The following RSPO2 variants were observed in gnomAD, a reference collection of about 807,000 sequenced individuals.
The protein encoded by RSPO2 is R-spondin-2.
Under a neutral mutation model 30.9 loss-of-function variants are expected in RSPO2, and 14 were observed. That is an observed-to-expected ratio of 0.45 (90% confidence interval 0.30 to 0.71). The LOEUF (loss-of-function observed/expected upper bound fraction) is 0.71, where lower values mean the gene tolerates loss of function less well. Ranked by LOEUF, RSPO2 falls within the 30% of genes least tolerant of loss-of-function variation. RSPO2 has a pLI of 0.08. For synonymous variants in RSPO2, 107 were observed against 96.4 expected (o/e 1.11, Z -0.64); for missense variants, 264 against 301.9 (o/e 0.87, Z 0.93).
At chr8:107,930,822 C>T (rs1376195414) in intron 5 of RSPO2, among the ~76,000 whole-genome samples, 1 of 152,126 alleles carries the variant, frequency 6.6e-6, no homozygotes, top group African/African-American at 2.4e-5. Flanking sequence ...GAGGTTTGCC[C>T]GATTACCAGA....
intron 2 of RSPO2, among the ~76,000 whole-genome samples, chr8:108,032,855 C>G (rs1053652713): frequency 2.0e-5 from 3 of 151,602 alleles, no homozygotes; most frequent in African/African-American, 7.3e-5. Flanking sequence ...GTCAGGAGAT[C>G]GAGACCATCC....
At chr8:108,003,493 T>C (rs1384883391) in intron 2 of RSPO2, among the ~76,000 whole-genome samples, 1 of 151,038 alleles carries the variant, frequency 6.6e-6, no homozygotes. Flanking sequence ...CTGGTCTGCA[T>C]TTAACATTTA....
intron 2 of RSPO2, among the ~76,000 whole-genome samples, chr8:108,074,924 T>C (rs917461614): frequency 1.3e-5 from 2 of 152,238 alleles, no homozygotes; most frequent in African/African-American, 4.8e-5. Flanking sequence ...GGTCTCTTCA[T>C]ACTTACAGAA....
intron 5 of RSPO2, among the ~76,000 whole-genome samples, chr8:107,937,443 C>T (rs2130364345): frequency 6.6e-6 from 1 of 152,186 alleles, no homozygotes; most frequent in East Asian, 1.9e-4. Flanking sequence ...GAGCCTGCAA[C>T]ATCAGTTCCA....
intron 2 of RSPO2, among the ~76,000 whole-genome samples, chr8:108,063,728 C>A (rs539234112): frequency 6.6e-6 from 1 of 151,932 alleles, no homozygotes; most frequent in Non-Finnish European, 1.5e-5. Flanking sequence ...CAAGTCAATC[C>A]TAAGCCAAAA....
chr8:107,979,463 T>G (rs1339364345), intron 3 of RSPO2, among the ~76,000 whole-genome samples: 3 of 152,148 alleles, frequency 2.0e-5, no homozygotes, highest in African/African-American at 7.2e-5. Flanking sequence ...TTCTCACTCA[T>G]AGGTGGGAAT....
chr8:108,071,759 C>T (rs533035070), intron 2 of RSPO2, among the ~76,000 whole-genome samples: 1 of 152,280 alleles, frequency 6.6e-6, no homozygotes, highest in East Asian at 1.9e-4. Flanking sequence ...AGAAAGTGAA[C>T]CTCTAGAACG....
chr8:108,071,505 T>C (rs1394967429), intron 2 of RSPO2, among the ~76,000 whole-genome samples: 7 of 152,186 alleles, frequency 4.6e-5, no homozygotes, highest in East Asian at 1.9e-4. Context: ...AGTTTCTCAA[T>C]TGCACTATGC....
At chr8:108,057,610 A>G (rs974383076) in intron 2 of RSPO2, among the ~76,000 whole-genome samples, 6 of 152,204 alleles carry the variant, frequency 3.9e-5, no homozygotes, top group Non-Finnish European at 8.8e-5. Flanking sequence ...AGCAGGAGGC[A>G]TATAAATGAC....
At chr8:107,902,122 A>C (rs1031306469) in intron 5 of RSPO2, among the ~76,000 whole-genome samples, 2 of 152,198 alleles carry the variant, frequency 1.3e-5, no homozygotes, top group Non-Finnish European at 2.9e-5. Flanking sequence ...CACCTCTTTG[A>C]GTTCTAAACA....
chr8:108,000,233 C>G (rs943676425), intron 2 of RSPO2, among the ~76,000 whole-genome samples: 1 of 152,026 alleles, frequency 6.6e-6, no homozygotes, highest in Admixed American at 6.6e-5. Context: ...CATTAACATT[C>G]GAGATAATCT....
At chr8:107,906,851 GT>G (rs1295084792) in intron 5 of RSPO2, among the ~76,000 whole-genome samples, 2 of 151,878 alleles carry the variant, frequency 1.3e-5, no homozygotes, top group Non-Finnish European at 2.9e-5. Flanking sequence ...ATGTGATATG[GT>G]TAATCAAGCT....
At chr8:107,922,900 C>A (rs1812226006) in intron 5 of RSPO2, among the ~76,000 whole-genome samples, 1 of 152,052 alleles carries the variant, frequency 6.6e-6, no homozygotes, top group African/African-American at 2.4e-5. Flanking sequence ...TGGAACTGGA[C>A]TCCTTCCTTA....
At chr8:108,077,491 C>G (rs1323901345) in intron 2 of RSPO2, among the ~76,000 whole-genome samples, 1 of 152,078 alleles carries the variant, frequency 6.6e-6, no homozygotes. Context: ...CTCCCTGCCA[C>G]CCCCTTTCCC....
At chr8:107,940,846 A>T (rs1159214767) in intron 5 of RSPO2, among the ~76,000 whole-genome samples, 1 of 152,206 alleles carries the variant, frequency 6.6e-6, no homozygotes, top group Non-Finnish European at 1.5e-5. Flanking sequence ...TGATGAAAAC[A>T]TCAATCACAG....
intron 5 of RSPO2, among the ~76,000 whole-genome samples, chr8:107,947,155 C>T (rs144212744): frequency 5.9e-5 from 9 of 152,298 alleles, no homozygotes; most frequent in Non-Finnish European, 8.8e-5. Context: ...TGCTAGTCAG[C>T]GGCATGTTAG....
chr8:107,904,886 A>G (rs1212840978), intron 5 of RSPO2, among the ~76,000 whole-genome samples: 1 of 152,132 alleles, frequency 6.6e-6, no homozygotes, highest in Non-Finnish European at 1.5e-5. Context: ...GCCACATTCT[A>G]ACTAATGTAA....
intron 5 of RSPO2, among the ~76,000 whole-genome samples, chr8:107,957,179 G>A (rs926865239): frequency 1.3e-5 from 2 of 152,160 alleles, no homozygotes; most frequent in Admixed American, 1.3e-4. Context: ...TCTGGGCTAT[G>A]GTCATAAAGC....
chr8:107,941,880 A>G (rs1812907012), intron 5 of RSPO2, among the ~76,000 whole-genome samples: 1 of 152,210 alleles, frequency 6.6e-6, no homozygotes, highest in Non-Finnish European at 1.5e-5. Context: ...AAAGGGAAAG[A>G]TTTGAATTAG....
Sources: allele counts gnomAD v4.1 joint callset (sites outside exome capture counted in the v4.1 genomes callset), GRCh38; gene constraint gnomAD v4.1.1; transcripts MANE v1.5; gene names NCBI Gene and HGNC (gene_info 2026-07-23, HGNC 2026-07-21).